Variants in ST3GAL3 observed in about 807,000 individuals in gnomAD.
The protein encoded by ST3GAL3 is CMP-N-acetylneuraminate-beta-1,4-galactoside alpha-2,3-sialyltransferase.
ST3GAL3 carries 21 observed loss-of-function variants against 50.1 expected under a neutral mutation model. That is an observed-to-expected ratio of 0.42 (90% CI 0.30 to 0.60). The LOEUF is 0.60. Ranked by LOEUF, ST3GAL3 falls within the 20% of genes least tolerant of loss-of-function variation. ST3GAL3 has a pLI of 0.19. For missense variants in ST3GAL3, 353 were observed against 489.4 expected (o/e 0.72, Z 2.63); for synonymous variants, 183 against 190.0 (o/e 0.96, Z 0.30).
intron 2 of ST3GAL3, among the ~76,000 whole-genome samples, chr1:43,748,446 T>TG (rs1491383911): frequency 3.5e-5 from 5 of 144,604 alleles, no homozygotes; most frequent in African/African-American, 1.4e-4. Context: ...TTTTTTTTTT[T>TG]GAGCCAGAGT....
At chr1:43,742,826 C>T (rs920271204) in intron 2 of ST3GAL3, among the ~76,000 whole-genome samples, 18 of 152,108 alleles carry the variant, frequency 1.2e-4, no homozygotes, top group Admixed American at 1.2e-3. Context: ...TTACATAAAA[C>T]GGAAGAAGCC....
intron 2 of ST3GAL3, among the ~76,000 whole-genome samples, chr1:43,753,126 G>C (rs1018527006): frequency 1.3e-5 from 2 of 152,196 alleles, no homozygotes; most frequent in African/African-American, 4.8e-5. Flanking sequence ...CAGTAACACA[G>C]TGGGACACCA....
rs1053224322 is a variant in ST3GAL3 at position 43,905,644 on chromosome 1, C to A, written c.744+5917C>A. Among the ~76,000 whole-genome samples the A allele has an allele frequency of 1.6e-3, 26 of 16,574 alleles. 1 individual carries two copies. Among genetic ancestry groups the A allele is most frequent in the Non-Finnish European group, 2.2e-3 (12 of 5,484 alleles). The allele number at this position is 16,574 out of a possible 152,430, so 10.9% of individuals were successfully genotyped here. A position where few individuals can be genotyped will look rare whatever the true frequency, so the allele number is the denominator to read the frequency against. ...TGCTTCTCTTCCCGCCACTGTTTCT[C>A]CCCCTCCTCCTGCTTCTCTTCCCGC... On this transcript the variant is annotated intron_variant, in intron 9 of 11. Coordinates refer to ENST00000347631, the MANE Select transcript of ST3GAL3 (RefSeq NM_006279.5).
At chr1:43,844,531 G>A (rs942222397) in intron 5 of ST3GAL3, among the ~76,000 whole-genome samples, 11 of 152,326 alleles carry the variant, frequency 7.2e-5, no homozygotes, top group African/African-American at 2.6e-4. Flanking sequence ...ACTATTGGTG[G>A]CCGGGCACGG....
intron 2 of ST3GAL3, among the ~76,000 whole-genome samples, chr1:43,744,916 G>A (rs933828158): frequency 7.3e-5 from 11 of 151,268 alleles, no homozygotes; most frequent in Admixed American, 4.0e-4. Flanking sequence ...GCTTGAACTC[G>A]GGAGACAGAG....
intron 5 of ST3GAL3, among the ~76,000 whole-genome samples, chr1:43,872,431 T>A (rs2073187639): frequency 6.6e-6 from 1 of 151,170 alleles, no homozygotes; most frequent in Non-Finnish European, 1.5e-5. Context: ...CTCTTCACCC[T>A]GCCTCTGACC....
Position 43,930,432 on chromosome 1 carries a change from A to C in ST3GAL3, c.*211A>C. The C allele has an allele frequency of 4.9e-6, 3 of 613,180 alleles. No individual in the cohort carries two copies. The highest frequency in any genetic ancestry group is 8.8e-6 in the Non-Finnish European group (3 of 340,466). 38.0% of individuals were successfully genotyped at this position (613,180 alleles called of 1,614,324 possible). On this transcript the variant is annotated 3_prime_UTR_variant, in exon 12 of 12. Transcript: ENST00000347631. Reference sequence around the variant, plus strand: ...ATTCAGCATGGGTCCTTGATGCCAGAGGGCCAGCAGGCTCCTGGCTGTGCC... The same window carrying C: ...ATTCAGCATGGGTCCTTGATGCCAGCGGGCCAGCAGGCTCCTGGCTGTGCC...
intron 3 of ST3GAL3, among the ~76,000 whole-genome samples, chr1:43,803,116 G>A (rs901649337): frequency 1.3e-5 from 2 of 152,056 alleles, no homozygotes; most frequent in Admixed American, 1.3e-4. Flanking sequence ...AGTAGAGACG[G>A]GGTTTCACTG....
intron 11 of ST3GAL3, among the ~76,000 whole-genome samples, chr1:43,925,073 T>C (rs2083675382): frequency 6.6e-6 from 1 of 152,074 alleles, no homozygotes; most frequent in South Asian, 2.1e-4. Context: ...GTGGATCACC[T>C]GGGGTCAGGA....
intron 5 of ST3GAL3, among the ~76,000 whole-genome samples, chr1:43,876,970 G>A (rs2074236455): frequency 6.6e-6 from 1 of 152,184 alleles, no homozygotes; most frequent in African/African-American, 2.4e-5. Flanking sequence ...GTGAAAAATG[G>A]CAGAAATAGT....
chr1:43,797,207 T>A (rs2154157500), intron 3 of ST3GAL3, among the ~76,000 whole-genome samples: 2 of 152,036 alleles, frequency 1.3e-5, no homozygotes, highest in Middle Eastern at 6.8e-3. Flanking sequence ...TCTAAAAAAA[T>A]TTAAAAATAT....
intron 4 of ST3GAL3, 105 bp from the exon 5 acceptor site, chr1:43,838,114 C>A (rs199703596): frequency 2.5e-4 from 88 of 357,822 alleles, no homozygotes; most frequent in Admixed American, 5.5e-4. Context: ...GACTCCGTCT[C>A]AAAAAAAAAA....
chr1:43,781,770 CAAACTGGAAGGCT>C (rs1699437247), intron 2 of ST3GAL3, among the ~76,000 whole-genome samples: 1 of 152,214 alleles, frequency 6.6e-6, no homozygotes, highest in Non-Finnish European at 1.5e-5. Flanking sequence ...TCTCCTATTT[CAAACTGGAAGGCT>C]AGTTCCTTCC....
At chr1:43,708,040 G>C (rs1662350441) in intron 1 of ST3GAL3, 1 of 152,440 alleles carries the variant, frequency 6.6e-6, no homozygotes, top group African/African-American at 2.4e-5. Context: ...GTGGGAAAAG[G>C]AAAGAAAAGT....
At chr1:43,875,944 CTTCTTCTTATTATTATTATTATTATTA>C (rs2074013710) in intron 5 of ST3GAL3, among the ~76,000 whole-genome samples, 1 of 49,074 alleles carries the variant, frequency 2.0e-5, no homozygotes, top group South Asian at 6.5e-4. Flanking sequence ...TCTTCTTCTT[CTTCTTCTTATTATTATTATTATTATTA>C]TTATTATTAT....
intron 9 of ST3GAL3, among the ~76,000 whole-genome samples, chr1:43,917,528 T>TA (rs1206847954): frequency 2.9e-5 from 2 of 68,530 alleles, no homozygotes; most frequent in African/African-American, 1.1e-4. Context: ...ATATATTATA[T>TA]TATATAATAT....
chr1:43,866,446 T>C (rs563793603), intron 5 of ST3GAL3, among the ~76,000 whole-genome samples: 1 of 152,162 alleles, frequency 6.6e-6, no homozygotes, highest in East Asian at 1.9e-4. Context: ...TAGCCACATG[T>C]GGTGGTGTGC....
In ST3GAL3 at chr1:43,920,820, A is replaced by G; in HGVS notation, c.930A>G (p.Ala310=). 6.2e-7 allele frequency: 1 copy of G among 1,614,028 alleles called. No homozygotes were observed. Among genetic ancestry groups the G allele is most frequent in the Non-Finnish European group, 8.5e-7 (1 of 1,179,978 alleles). Reference sequence around the variant, plus strand: ...TTGGCAGTGTGGCAGTGACCATGGCACTACACGGCTGTGACGAGGTGGCAG... The same window carrying G: ...TTGGCAGTGTGGCAGTGACCATGGCGCTACACGGCTGTGACGAGGTGGCAG... The part of the protein sequence containing the change: ...PTLGSVAVTM[A]LHGCDEVAVA... Residue 310 remains alanine, a synonymous_variant, in exon 11 of 12, where the codon GCA becomes GCG. Coordinates refer to ENST00000347631, the MANE Select transcript of ST3GAL3 (RefSeq NM_006279.5).
At chr1:43,857,746 G>A (rs1025523102) in intron 5 of ST3GAL3, among the ~76,000 whole-genome samples, 19 of 151,974 alleles carry the variant, frequency 1.3e-4, no homozygotes, top group African/African-American at 3.6e-4. Flanking sequence ...CTCCCAAGTA[G>A]CTAGGATTAC....
Sources: allele counts gnomAD v4.1 joint callset (sites outside exome capture counted in the v4.1 genomes callset), GRCh38; gene constraint gnomAD v4.1.1; transcripts MANE v1.5; gene names NCBI Gene and HGNC (gene_info 2026-07-23, HGNC 2026-07-21).